The following PIK3CD variants were observed in gnomAD, a reference collection of about 807,000 sequenced individuals.
The protein encoded by PIK3CD is phosphatidylinositol-4,5-bisphosphate 3-kinase catalytic subunit delta, also known as phosphatidylinositol 4,5-bisphosphate 3-kinase catalytic subunit delta isoform.
PIK3CD carries 20 observed loss-of-function variants against 122.9 expected under a neutral mutation model. That is an observed-to-expected ratio of 0.16 (90% CI 0.11 to 0.24). The LOEUF is 0.24. Ranked by LOEUF, PIK3CD falls within the 10% of genes least tolerant of loss-of-function variation. The pLI, the probability that PIK3CD is intolerant of heterozygous loss-of-function variation, is 1.00. For synonymous variants in PIK3CD, 596 were observed against 593.4 expected (o/e 1.00, Z -0.06); for missense variants, 787 against 1,406.3 (o/e 0.56, Z 7.04).
At chr1:9,633,792 T>C in the PIK3CD span, among the ~76,000 whole-genome samples, 1 of 152,136 alleles carries the variant, frequency 6.6e-6, no homozygotes, top group Non-Finnish European at 1.5e-5. Flanking sequence ...CTAATTTCTC[T>C]TGGAATGCTA....
rs1329827811 is a variant in PIK3CD at position 9,689,550 on chromosome 1, G to A, written c.-137-1917G>A. 7.3e-6 allele frequency among the ~76,000 whole-genome samples: 1 copy of A among 137,166 alleles called. No homozygotes were observed. Among genetic ancestry groups the A allele is most frequent in the South Asian group, 2.4e-4 (1 of 4,242 alleles). 90.0% of individuals were successfully genotyped at this position (137,166 alleles called of 152,430 possible). The stretch of plus-strand genomic sequence containing the variant: ...GCCCCGCCCCGGGCCGCGCCCCTCC[G>A]CCGAGCCCCGCTTGCCTGCACCTCG... On this transcript the variant is annotated intron_variant, in intron 1 of 23. Transcript: ENST00000377346. This position sits in a 1 kb window ranked among gnomAD's most constrained non-coding sequence, Gnocchi z 6.1.
At chr1:9,695,940 T>C (rs1190689385) in intron 2 of PIK3CD, among the ~76,000 whole-genome samples, 1 of 151,732 alleles carries the variant, frequency 6.6e-6, no homozygotes, top group Non-Finnish European at 1.5e-5. Flanking sequence ...AAATTAATTC[T>C]GTAATTGTCA....
At chr1:9,657,689 G>A (rs1013528908) in intron 1 of PIK3CD, among the ~76,000 whole-genome samples, 4 of 151,864 alleles carry the variant, frequency 2.6e-5, no homozygotes, top group South Asian at 2.1e-4. Context: ...CCTGCCCTCC[G>A]CAGCCCATTC....
At chr1:9,640,856 C>T in the PIK3CD span, among the ~76,000 whole-genome samples, 2 of 152,138 alleles carry the variant, frequency 1.3e-5, no homozygotes, top group African/African-American at 4.8e-5. Context: ...CCAACTTGGG[C>T]CTCCCTGCCT....
chr1:9,665,593 ACTG>A (rs1007876027), intron 1 of PIK3CD, among the ~76,000 whole-genome samples: 4 of 151,558 alleles, frequency 2.6e-5, no homozygotes, highest in African/African-American at 9.7e-5. Context: ...TCCAATTAAT[ACTG>A]CTTGAGGAGG....
chr1:9,632,162 G>A, the PIK3CD span, among the ~76,000 whole-genome samples: 2 of 151,946 alleles, frequency 1.3e-5, no homozygotes, highest in Non-Finnish European at 2.9e-5. Context: ...ACAGGCATGC[G>A]CCACCACGCC....
intron 23 of PIK3CD, among the ~76,000 whole-genome samples, chr1:9,726,302 A>T (rs558844895): frequency 2.0e-5 from 3 of 152,006 alleles, no homozygotes; most frequent in Non-Finnish European, 4.4e-5. Context: ...AGGTCAGGAG[A>T]TCGAGACCAT....
chr1:9,717,255 G>A lies in PIK3CD; in HGVS notation c.930+147G>A, dbSNP rs1046906027. ...GGGGAAGCCAACACAGCTGACCAGC[G>A]TCCTGGGCTGGGGGCCTGTGGGACT... On this transcript the variant is annotated intron_variant, in intron 7 of 23. Coordinates refer to ENST00000377346, the MANE Select transcript of PIK3CD (RefSeq NM_005026.5). The surrounding 1 kb of genome is among the most constrained non-coding windows in gnomAD (Gnocchi z 5.4). 7.0e-5 allele frequency: 77 copies of A among 1,098,258 alleles called. No homozygotes were observed. Among genetic ancestry groups the A allele is most frequent in the Admixed American group, 3.2e-4 (16 of 50,550 alleles). The allele number at this position is 1,098,258 out of a possible 1,614,324, so 68.0% of individuals were successfully genotyped here. A position where few individuals can be genotyped will look rare whatever the true frequency, so the allele number is the denominator to read the frequency against.
Position 9,728,267 on chromosome 1 carries a change from C to CTT in PIK3CD, c.*1222_*1223dup, listed in dbSNP as rs1460749404. The CTT allele has an allele frequency of 2.6e-5, 4 of 152,214 alleles. No homozygotes were observed. Among genetic ancestry groups the CTT allele is most frequent in the Admixed American group, 2.6e-4 (4 of 15,278 alleles). 9.4% of individuals were successfully genotyped at this position (152,214 alleles called of 1,614,324 possible). A position where few individuals can be genotyped will look rare whatever the true frequency, so the allele number is the denominator to read the frequency against. ...GCTGGGATCTTTCTCTCTGACTATA[C>CTT]TTAGTTTGAAATGGTGCAGGCTTAG... is the stretch of plus-strand genomic sequence containing the variant. On this transcript the variant is annotated 3_prime_UTR_variant, in exon 24 of 24. Coordinates refer to ENST00000377346, the MANE Select transcript of PIK3CD (RefSeq NM_005026.5).
chr1:9,659,348 G>A (rs1350860239), intron 1 of PIK3CD, among the ~76,000 whole-genome samples: 5 of 152,072 alleles, frequency 3.3e-5, no homozygotes, highest in Non-Finnish European at 4.4e-5. Context: ...GTAATTAGTA[G>A]GCATATGCTT....
At chr1:9,702,420 C>G (rs1646669433) in intron 2 of PIK3CD, among the ~76,000 whole-genome samples, 1 of 149,366 alleles carries the variant, frequency 6.7e-6, no homozygotes, top group Admixed American at 6.7e-5. Flanking sequence ...CTGTGGACTC[C>G]TCTGTGTGCC....
chr1:9,667,913 T>G (rs1034862079), intron 1 of PIK3CD, among the ~76,000 whole-genome samples: 7 of 144,934 alleles, frequency 4.8e-5, no homozygotes, highest in Non-Finnish European at 3.0e-5. Flanking sequence ...TTTTTGTTTT[T>G]TTTTTTTTTT....
chr1:9,670,898 C>T (rs1318586046), intron 1 of PIK3CD, among the ~76,000 whole-genome samples: 1 of 151,794 alleles, frequency 6.6e-6, no homozygotes, highest in Non-Finnish European at 1.5e-5. Context: ...GCTGGGACCA[C>T]AGGCGCCCAC....
chr1:9,697,063 C>CAA (rs60416744), intron 2 of PIK3CD, among the ~76,000 whole-genome samples: 26 of 76,948 alleles, frequency 3.4e-4, no homozygotes, highest in South Asian at 4.5e-4. Flanking sequence ...GATCCTGTCT[C>CAA]AAAAAAAAAA....
chr1:9,723,478 G>T lies in PIK3CD; in HGVS notation c.2594+186G>T, dbSNP rs911770192. ...AGGTCTCTCTTCCCCAAGTATCAGT[G>T]TCTCTTGCTATGCAACACCATCCAA... On this transcript the variant is annotated intron_variant, in intron 20 of 23. Coordinates refer to ENST00000377346, the MANE Select transcript of PIK3CD (RefSeq NM_005026.5). The surrounding 1 kb of genome is among the most constrained non-coding windows in gnomAD (Gnocchi z 4.9). 6.6e-6 allele frequency among the ~76,000 whole-genome samples: 1 copy of T among 152,218 alleles called. No homozygotes were observed. The highest frequency in any genetic ancestry group is 2.4e-5 in the African/African-American group (1 of 41,462).
the PIK3CD span, among the ~76,000 whole-genome samples, chr1:9,643,758 G>A: frequency 6.6e-6 from 1 of 152,218 alleles, no homozygotes; most frequent in Non-Finnish European, 1.5e-5. Context: ...GAGGCATAGA[G>A]AGGTTAAGTC....
rs1368463781 is a variant in PIK3CD at position 9,727,962 on chromosome 1, A to C, written c.*916A>C. Reference sequence around the variant, plus strand: ...TGGGATTACAGGTGTGCACCACCGTACCCAGCTAATTTTTGTATTTTAGTA... The same window carrying C: ...TGGGATTACAGGTGTGCACCACCGTCCCCAGCTAATTTTTGTATTTTAGTA... On this transcript the variant is annotated 3_prime_UTR_variant, in exon 24 of 24. Transcript: ENST00000377346. 6.1e-6 allele frequency: 1 copy of C among 163,874 alleles called. No individual in the cohort carries two copies. Among genetic ancestry groups the C allele is most frequent in the South Asian group, 2.0e-4 (1 of 4,896 alleles). The allele number at this position is 163,874 out of a possible 1,614,324, so 10.2% of individuals were successfully genotyped here.
chr1:9,716,232 G>T lies in PIK3CD; in HGVS notation c.600+154G>T. 7.2e-6 allele frequency: 6 copies of T among 829,872 alleles called. No individual in the cohort carries two copies. The South Asian group carries it at 7.3e-5, about 10-fold the overall frequency. The allele number at this position is 829,872 out of a possible 1,614,324, so 51.4% of individuals were successfully genotyped here. On this transcript the variant is annotated intron_variant, in intron 5 of 23. Coordinates refer to ENST00000377346, the MANE Select transcript of PIK3CD (RefSeq NM_005026.5). ...GTGCATGTGTGGGGCTCAACTGAAC[G>T]TCCCCCCAGGCAAGCTCAACGTGGC... is the stretch of plus-strand genomic sequence containing the variant.
At chr1:9,675,036 AAG>A (rs1214451462) in intron 1 of PIK3CD, among the ~76,000 whole-genome samples, 4 of 141,526 alleles carry the variant, frequency 2.8e-5, no homozygotes, top group African/African-American at 5.3e-5. Flanking sequence ...AAAAAAAAAA[AAG>A]AGAGAGAGAG....
Sources: gnomAD v4.1 joint callset for allele counts (sites outside exome capture counted in the v4.1 genomes callset) on GRCh38, gnomAD v4.1.1 for gene constraint, Gnocchi (gnomAD v3.1) non-coding constraint, MANE v1.5 for transcripts, NCBI Gene and HGNC (gene_info 2026-07-23, HGNC 2026-07-21) for gene names.